The following LEMD3 variants were observed in gnomAD, a reference collection of about 807,000 sequenced individuals.
LEMD3 encodes inner nuclear membrane protein Man1.
A neutral mutation model predicts 95.2 loss-of-function variants in LEMD3; 33 were observed. The observed-to-expected ratio is 0.35, with a 90% CI of 0.26 to 0.46. The LOEUF (loss-of-function observed/expected upper bound fraction) is 0.46. Ranked by LOEUF, LEMD3 falls within the 20% of genes least tolerant of loss-of-function variation. LEMD3 has a pLI of 1.00. For synonymous variants in LEMD3, 525 were observed against 474.6 expected, an observed-to-expected ratio of 1.11 and a Z score of -1.38; for missense variants, 1,210 against 1,192.8, an observed-to-expected ratio of 1.01 and a Z score of -0.21.
At chr12:65,195,732 G>A (rs1592438970) in intron 1 of LEMD3, among the ~76,000 whole-genome samples, 1 of 152,250 alleles carries the variant, frequency 6.6e-6, no homozygotes, top group East Asian at 1.9e-4. Flanking sequence ...CTTGGGTAAA[G>A]CTAGTTATAT....
chr12:65,207,659 T>C (rs958582051), intron 1 of LEMD3, among the ~76,000 whole-genome samples: 2 of 152,164 alleles, frequency 1.3e-5, no homozygotes, highest in African/African-American at 4.8e-5. Flanking sequence ...CATATTAGAC[T>C]GAAGCTGGCT....
At chr12:65,227,421 T>A (rs1870483716) in intron 4 of LEMD3, among the ~76,000 whole-genome samples, 1 of 152,168 alleles carries the variant, frequency 6.6e-6, no homozygotes, top group Non-Finnish European at 1.5e-5. Context: ...CTGAGACTCT[T>A]AAAGCATATG....
In LEMD3 at chr12:65,246,149, T is replaced by G. The variant is rs766410078; in HGVS notation, c.2573-13T>G. The G allele has an allele frequency of 2.1e-5, 34 of 1,590,566 alleles. No individual in the cohort carries two copies. Among genetic ancestry groups the G allele is most frequent in the Non-Finnish European group, 2.8e-5 (32 of 1,160,752 alleles). On this transcript the variant is annotated splice_polypyrimidine_tract_variant and intron_variant, in intron 12 of 12. Coordinates refer to ENST00000308330, the MANE Select transcript of LEMD3 (RefSeq NM_014319.5). ...TTTTACTGATCTAAAATATTATTTT[T>G]ATCTTACAACAGGGAAATTGGTTAC...
chr12:65,170,327 T>A lies in LEMD3; in HGVS notation c.731T>A (p.Val244Glu), dbSNP rs1381244492. 1 of 1,602,620 alleles carries A rather than the reference T, an allele frequency of 6.2e-7. No individual in the cohort carries two copies. Among genetic ancestry groups the A allele is most frequent in the Non-Finnish European group, 8.5e-7 (1 of 1,174,466 alleles). The change falls in exon 1 of 13, where the codon GTG (valine) becomes GAG (glutamate). Residue 244 changes from valine (V) to glutamate (E), a missense_variant. Transcript: ENST00000308330. ...TEEPLWASRT[V>E]NGSRLVPYSC... ...GAGCCGCTCTGGGCGAGCCGGACCG[T>A]GAATGGCAGCCGGCTTGTCCCCTAC...
chr12:65,204,238 G>A (rs977597402), intron 1 of LEMD3, among the ~76,000 whole-genome samples: 5 of 149,796 alleles, frequency 3.3e-5, no homozygotes, highest in African/African-American at 9.9e-5. Flanking sequence ...ACAGATAAAC[G>A]TGTGCCATGG....
At chr12:65,213,112 A>G (rs11611844) in intron 2 of LEMD3, among the ~76,000 whole-genome samples, 44,268 of 151,704 alleles carry the variant, frequency 0.29, 6,506 homozygotes, top group Admixed American at 0.36. Flanking sequence ...ATAGATAGAT[A>G]GATAAAGTAA....
intron 4 of LEMD3, among the ~76,000 whole-genome samples, chr12:65,227,606 A>G (rs929541912): frequency 6.6e-6 from 1 of 152,190 alleles, no homozygotes. Context: ...TACAATGTAA[A>G]TTGTATGTAA....
chr12:65,180,223 G>A (rs1218722934), intron 1 of LEMD3, among the ~76,000 whole-genome samples: 2 of 152,042 alleles, frequency 1.3e-5, no homozygotes, highest in Non-Finnish European at 2.9e-5. Flanking sequence ...TGGGGTTACA[G>A]GTGTGCGCCA....
At chr12:65,189,760 G>C (rs1869180958) in intron 1 of LEMD3, among the ~76,000 whole-genome samples, 1 of 152,162 alleles carries the variant, frequency 6.6e-6, no homozygotes, top group Admixed American at 6.6e-5. Flanking sequence ...TGCAGCGAGA[G>C]TAGTGATGGA....
At chr12:65,214,883 G>A (rs1402587116) in intron 2 of LEMD3, among the ~76,000 whole-genome samples, 1 of 152,060 alleles carries the variant, frequency 6.6e-6, no homozygotes, top group African/African-American at 2.4e-5. Context: ...TTAAATTGGA[G>A]GTCTTGTTGC....
chr12:65,186,526 A>T (rs749021752), intron 1 of LEMD3, among the ~76,000 whole-genome samples: 1 of 151,674 alleles, frequency 6.6e-6, no homozygotes, highest in Non-Finnish European at 1.5e-5. Flanking sequence ...AGAAACTAGG[A>T]TGATTTAGGA....
At chr12:65,187,306 G>T (rs1263556092) in intron 1 of LEMD3, among the ~76,000 whole-genome samples, 1 of 152,094 alleles carries the variant, frequency 6.6e-6, no homozygotes, top group Non-Finnish European at 1.5e-5. Flanking sequence ...GACTTCAACT[G>T]TAGAGACTTT....
intron 1 of LEMD3, 71 bp downstream of exon 1, chr12:65,171,189 C>G (rs1207237434): frequency 1.9e-6 from 3 of 1,595,936 alleles, no homozygotes; most frequent in Admixed American, 1.7e-5. Context: ...CCGCGCTTAG[C>G]GTTTTACATG....
chr12:65,179,209 A>G (rs570023665), intron 1 of LEMD3, among the ~76,000 whole-genome samples: 2 of 152,222 alleles, frequency 1.3e-5, no homozygotes, highest in South Asian at 4.1e-4. Flanking sequence ...AGAACTTTTC[A>G]TACATTTGAT....
At chr12:65,215,814 G>A (rs1006497632) in intron 2 of LEMD3, among the ~76,000 whole-genome samples, 163 bp from the exon 3 acceptor site, 1 of 151,216 alleles carries the variant, frequency 6.6e-6, no homozygotes, top group Non-Finnish European at 1.5e-5. Flanking sequence ...TTAGATTAAG[G>A]TTTCTTAAAA....
chr12:65,200,492 C>T (rs1187573644), intron 1 of LEMD3, among the ~76,000 whole-genome samples: 1 of 152,124 alleles, frequency 6.6e-6, no homozygotes, highest in African/African-American at 2.4e-5. Context: ...AGTAATAGTT[C>T]TACATCCTCA....
chr12:65,231,700 T>A (rs200181226), intron 4 of LEMD3, among the ~76,000 whole-genome samples: 1 of 151,948 alleles, frequency 6.6e-6, no homozygotes, highest in African/African-American at 2.4e-5. Context: ...ATAACACTCA[T>A]TATTTAATTC....
intron 6 of LEMD3, among the ~76,000 whole-genome samples, chr12:65,239,665 A>T (rs2136354430): frequency 6.6e-6 from 1 of 152,278 alleles, no homozygotes; most frequent in East Asian, 1.9e-4. Context: ...AGTTTGTGAA[A>T]CATAGTTATA....
chr12:65,206,497 G>C (rs912701849), intron 1 of LEMD3, among the ~76,000 whole-genome samples: 1 of 152,034 alleles, frequency 6.6e-6, no homozygotes, highest in South Asian at 2.1e-4. Context: ...ATATGTTTGC[G>C]AATATTTTAT....
Sources: gnomAD v4.1 joint callset for allele counts (sites outside exome capture counted in the v4.1 genomes callset) on GRCh38, gnomAD v4.1.1 for gene constraint, MANE v1.5 for transcripts, NCBI Gene and HGNC (gene_info 2026-07-23, HGNC 2026-07-21) for gene names.